The following FLT3LG variants were observed in gnomAD, a reference collection of about 807,000 sequenced individuals.
The protein encoded by FLT3LG is fms-related tyrosine kinase 3 ligand.
FLT3LG carries 8 observed loss-of-function variants against 30.9 expected under a neutral mutation model. The ratio of observed to expected loss-of-function variants is 0.26; its 90% CI spans 0.15 to 0.47. The LOEUF (loss-of-function observed/expected upper bound fraction) is 0.47, where lower values mean the gene tolerates loss of function less well. FLT3LG is among the 20% of genes least tolerant of loss of function. FLT3LG has a pLI of 0.99. For missense variants in FLT3LG, 278 were observed against 306.2 expected (o/e 0.91, Z 0.69); for synonymous variants, 123 against 135.9 (o/e 0.91, Z 0.66).
At chr19:49,477,824 G>A (rs1254049506) in intron 5 of FLT3LG, among the ~76,000 whole-genome samples, 2 of 151,512 alleles carry the variant, frequency 1.3e-5, no homozygotes, top group East Asian at 3.9e-4. Flanking sequence ...GAGGCGGGCA[G>A]ATCACGAGGT....
intron 2 of FLT3LG, 33 bp downstream of exon 2, chr19:49,474,705 A>C: frequency 6.2e-7 from 1 of 1,607,636 alleles, no homozygotes; most frequent in Non-Finnish European, 8.5e-7. Context: ...ATCAGGGGAG[A>C]GGGGAGGCAC....
intron 6 of FLT3LG, among the ~76,000 whole-genome samples, 153 bp downstream of exon 6, chr19:49,479,200 T>C (rs897119054): frequency 6.6e-6 from 1 of 150,992 alleles, no homozygotes; most frequent in South Asian, 2.1e-4. Context: ...ACCAATTTTT[T>C]TTTTTTTTTT....
intron 8 of FLT3LG, chr19:49,481,123 T>A (rs566197966): frequency 6.8e-6 from 1 of 146,128 alleles, no homozygotes; most frequent in East Asian, 2.0e-4. Flanking sequence ...AGGCCCAGGG[T>A]GAGGACCATG....
chr19:49,477,454 A>G (rs1419117599), intron 5 of FLT3LG, among the ~76,000 whole-genome samples: 2 of 151,200 alleles, frequency 1.3e-5, no homozygotes, highest in Admixed American at 6.6e-5. Flanking sequence ...AAAACATAGA[A>G]TAGGCCGTGT....
intron 8 of FLT3LG, among the ~76,000 whole-genome samples, chr19:49,484,288 A>ATTTTTTTTTTTTTTTTTTTTTTTTTTT (rs745909519): frequency 1.0e-5 from 1 of 98,352 alleles, no homozygotes; most frequent in African/African-American, 4.5e-5. Context: ...TTTTATTATA[A>ATTTTTTTTTTTTTTTTTTTTTTTTTTT]TTTTTTTTTT....
intron 3 of FLT3LG, 86 bp downstream of exon 3, chr19:49,475,887 T>C: frequency 8.2e-7 from 1 of 1,225,860 alleles, no homozygotes; most frequent in Non-Finnish European, 1.1e-6. Flanking sequence ...TCTCTCCCTG[T>C]GTTTCCCAGG....
chr19:49,482,922 C>T (rs989241084), intron 8 of FLT3LG, among the ~76,000 whole-genome samples: 7 of 151,834 alleles, frequency 4.6e-5, no homozygotes, highest in African/African-American at 9.7e-5. Context: ...CCACCGCGCC[C>T]GGGGTCACAG....
At chr19:49,475,990 C>A in intron 3 of FLT3LG, 155 bp from the exon 4 acceptor site, 1 of 1,013,392 alleles carries the variant, frequency 9.9e-7, no homozygotes, top group Non-Finnish European at 1.5e-6. Context: ...TTAGGGGTGT[C>A]ATCCCTTTTT....
At chr19:49,483,866 CAAAAAAAAAAAA>C (rs34619675) in intron 8 of FLT3LG, among the ~76,000 whole-genome samples, 4 of 50,090 alleles carry the variant, frequency 8.0e-5, no homozygotes, top group Non-Finnish European at 1.5e-4. Context: ...GACTCTGTCT[CAAAAAAAAAAAA>C]AAAAAAAAAA....
At position 49,476,777 on chromosome 19, in the gene FLT3LG, C is replaced by T. The variant is rs1019240375; in HGVS notation, c.342+211C>T. ...AGCAGTCTGGTCCCATTCTGGGGCCCCGGTTTCCTAGGCCATGATGAAGGG... is the reference window on the plus strand; with the variant it reads ...AGCAGTCTGGTCCCATTCTGGGGCCTCGGTTTCCTAGGCCATGATGAAGGG... On this transcript the variant is annotated intron_variant, in intron 5 of 8. Coordinates refer to ENST00000597551, the MANE Select transcript of FLT3LG (RefSeq NM_001459.4). This position sits in a 1 kb window ranked among gnomAD's most constrained non-coding sequence, Gnocchi z 5.3. 1 of 585,358 alleles carries T rather than the reference C, an allele frequency of 1.7e-6. No homozygotes were observed. Among genetic ancestry groups the T allele is most frequent in the Non-Finnish European group, 2.9e-6 (1 of 346,130 alleles). The allele number at this position is 585,358 out of a possible 1,614,324, so 36.3% of individuals were successfully genotyped here.
rs115952828 is a variant in FLT3LG, at chr19:49,478,804, C to T, written c.343-105C>T. ...TAAATAAACTCTGAGAGCCAGAGCT[C>T]ACTGGGCCCTGTTGCTGGGCATCGC... On this transcript the variant is annotated intron_variant, in intron 5 of 8. Coordinates refer to ENST00000597551, the MANE Select transcript of FLT3LG (RefSeq NM_001459.4). 2.8e-3 allele frequency: 2,934 copies of T among 1,040,850 alleles called. 74 individuals are homozygous for T. In the African/African-American group the frequency reaches 0.043, roughly 15 times the overall value. The allele number at this position is 1,040,850 out of a possible 1,614,324, so 64.5% of individuals were successfully genotyped here. A position where few individuals can be genotyped will look rare whatever the true frequency, so the allele number is the denominator to read the frequency against.
chr19:49,478,765 ATT>A (rs2079487814), intron 5 of FLT3LG, 142 bp from the exon 6 acceptor site: 2 of 577,196 alleles, frequency 3.5e-6, no homozygotes, highest in Admixed American at 5.2e-5. Context: ...TCAAAAAAAA[ATT>A]AATTAATTAA....
In FLT3LG at chr19:49,480,603, G is replaced by A. The variant is rs2079571510; in HGVS notation, c.*4G>A. The A allele has an allele frequency of 1.2e-6, 2 of 1,612,222 alleles. No homozygotes were observed. The highest frequency in any genetic ancestry group is 1.1e-5 in the South Asian group (1 of 90,606). On this transcript the variant is annotated 3_prime_UTR_variant, in exon 8 of 9. Coordinates refer to ENST00000597551, the MANE Select transcript of FLT3LG (RefSeq NM_001459.4). ...CCTGCTGCTTGTGGAGCACTGACCT[G>A]GCCAAGGCCTCATCCTGGTGAGTCC...
intron 1 of FLT3LG, 75 bp downstream of exon 1, chr19:49,474,356 G>A: frequency 1.8e-6 from 1 of 569,106 alleles, no homozygotes; most frequent in African/African-American, 1.9e-5. Context: ...AGGGGGAGCA[G>A]AGGGTGGGGG....
In FLT3LG at chr19:49,476,015, G is replaced by C. The variant is rs1198182271; in HGVS notation, c.145-130G>C. On this transcript the variant is annotated intron_variant, in intron 3 of 8. Coordinates refer to ENST00000597551, the MANE Select transcript of FLT3LG (RefSeq NM_001459.4). This position sits in a 1 kb window ranked among gnomAD's most constrained non-coding sequence, Gnocchi z 5.3. ...CATCCCTTTTTAAGGGCAAGGTTCT[G>C]TGGCTTCTTCTGGGCTCCCCCTCTC... 2.6e-6 allele frequency: 3 copies of C among 1,143,058 alleles called. No individual in the cohort carries two copies. Among genetic ancestry groups the C allele is most frequent in the Non-Finnish European group, 3.9e-6 (3 of 762,766 alleles). The allele number at this position is 1,143,058 out of a possible 1,614,324, so 70.8% of individuals were successfully genotyped here. A position where few individuals can be genotyped will look rare whatever the true frequency, so the allele number is the denominator to read the frequency against.
At chr19:49,474,991 G>A in intron 2 of FLT3LG, among the ~76,000 whole-genome samples, 1 of 125,080 alleles carries the variant, frequency 8.0e-6, no homozygotes, top group Non-Finnish European at 1.7e-5. Context: ...AGAGGAGAGG[G>A]AGATAAAGAG....
chr19:49,475,647 G>T, intron 2 of FLT3LG, 44 bp from the exon 3 acceptor site: 1 of 1,589,946 alleles, frequency 6.3e-7, no homozygotes, highest in Non-Finnish European at 8.5e-7. Context: ...AGGGGGCTGT[G>T]TGTGGAACAG....
At chr19:49,475,621 G>A in intron 2 of FLT3LG, 70 bp from the exon 3 acceptor site, 2 of 1,550,848 alleles carry the variant, frequency 1.3e-6, no homozygotes, top group South Asian at 1.2e-5. Flanking sequence ...AACAGTACAG[G>A]TGGGAAGCCC....
At chr19:49,478,459 T>G (rs181728191) in intron 5 of FLT3LG, among the ~76,000 whole-genome samples, 100 of 150,000 alleles carry the variant, frequency 6.7e-4, no homozygotes, top group Non-Finnish European at 9.5e-4. Context: ...AGAGCGAGAC[T>G]CTGTCTTAAA....
Sources: gnomAD v4.1 joint callset for allele counts (sites outside exome capture counted in the v4.1 genomes callset) on GRCh38, gnomAD v4.1.1 for gene constraint, Gnocchi (gnomAD v3.1) non-coding constraint, MANE v1.5 for transcripts, NCBI Gene and HGNC (gene_info 2026-07-23, HGNC 2026-07-21) for gene names.